Variants in PLXDC1 observed in about 807,000 individuals in gnomAD.
PLXDC1 encodes plexin domain containing 1, also known as plexin domain-containing protein 1.
In PLXDC1, 39 loss-of-function variants were observed where a neutral mutation model predicts 61.3. The ratio of observed to expected loss-of-function variants is 0.64; its 90% confidence interval spans 0.49 to 0.83. The LOEUF (loss-of-function observed/expected upper bound fraction) is 0.83. Ranked by LOEUF, PLXDC1 falls within the 40% of genes least tolerant of loss-of-function variation. The probability of loss-of-function intolerance (pLI) is 0.00; values close to 1 mark genes in which losing one functional copy is unlikely to be tolerated. For missense variants in PLXDC1, 596 were observed against 666.5 expected, an observed-to-expected ratio of 0.89 and a Z score of 1.17; for synonymous variants, 212 against 254.5, an observed-to-expected ratio of 0.83 and a Z score of 1.59.
At chr17:39,104,122 T>C (rs992676104) in intron 7 of PLXDC1, among the ~76,000 whole-genome samples, 2 of 152,062 alleles carry the variant, frequency 1.3e-5, no homozygotes, top group Non-Finnish European at 2.9e-5. Flanking sequence ...TCTACTGTAG[T>C]GAGATATTCT....
At chr17:39,127,100 T>G (rs1159621852) in intron 2 of PLXDC1, 3 of 152,162 alleles carry the variant, frequency 2.0e-5, no homozygotes, top group Admixed American at 6.6e-5. Flanking sequence ...TACTTTCAGG[T>G]AAGATCTGGG....
At chr17:39,122,638 C>G (rs1911202078) in intron 2 of PLXDC1, among the ~76,000 whole-genome samples, 1 of 152,128 alleles carries the variant, frequency 6.6e-6, no homozygotes, top group South Asian at 2.1e-4. Flanking sequence ...TGAACCTTCC[C>G]AAGGAATTCA....
intron 1 of PLXDC1, among the ~76,000 whole-genome samples, chr17:39,141,055 G>A (rs1911920601): frequency 6.6e-6 from 1 of 151,848 alleles, no homozygotes; most frequent in South Asian, 2.1e-4. Context: ...TAAGAGATGG[G>A]GCCTTGCTCT....
upstream of PLXDC1, among the ~76,000 whole-genome samples, chr17:39,151,843 C>T (rs150679076): frequency 6.7e-3 from 1,015 of 152,242 alleles, 14 homozygotes; most frequent in African/African-American, 0.023. This position sits in a 1 kb window ranked among gnomAD's most constrained non-coding sequence, Gnocchi z 5.2. Context: ...GCTGAGAGAA[C>T]CCCTAGAAGC....
At chr17:39,118,827 G>A (rs1420969447) in intron 2 of PLXDC1, among the ~76,000 whole-genome samples, 1 of 152,200 alleles carries the variant, frequency 6.6e-6, no homozygotes, top group South Asian at 2.1e-4. Flanking sequence ...ACCCGGGAGG[G>A]TGAAATTGGG....
chr17:39,147,170 C>T (rs2045347808), intron 1 of PLXDC1, among the ~76,000 whole-genome samples: 1 of 152,104 alleles, frequency 6.6e-6, no homozygotes, highest in African/African-American at 2.4e-5. Flanking sequence ...ATTGGGCAGG[C>T]TGGTCTCGAA....
intron 1 of PLXDC1, among the ~76,000 whole-genome samples, 168 bp from the exon 2 acceptor site, chr17:39,140,000 G>A (rs920094043): frequency 3.3e-5 from 5 of 152,206 alleles, no homozygotes; most frequent in South Asian, 2.1e-4. Context: ...TGAGAGTCAC[G>A]TGCCCAGCTC....
intron 2 of PLXDC1, among the ~76,000 whole-genome samples, chr17:39,114,264 C>G (rs1052572852): frequency 6.6e-6 from 1 of 152,194 alleles, no homozygotes; most frequent in Non-Finnish European, 1.5e-5. Flanking sequence ...CTCAGCACCT[C>G]CTCCTCTCCC....
intron 2 of PLXDC1, among the ~76,000 whole-genome samples, chr17:39,130,953 G>A (rs1911540545): frequency 6.6e-6 from 1 of 152,092 alleles, no homozygotes; most frequent in Non-Finnish European, 1.5e-5. Context: ...CCCTGCCCAA[G>A]GAGAAAGGAA....
At chr17:39,138,326 G>C (rs1911820286) in intron 2 of PLXDC1, among the ~76,000 whole-genome samples, 1 of 152,136 alleles carries the variant, frequency 6.6e-6, no homozygotes, top group African/African-American at 2.4e-5. Flanking sequence ...GCAGGAGAGG[G>C]GGCCAGGATC....
At chr17:39,088,349 A>C (rs963394714) in intron 7 of PLXDC1, among the ~76,000 whole-genome samples, 3 of 152,140 alleles carry the variant, frequency 2.0e-5, no homozygotes, top group Non-Finnish European at 2.9e-5. Flanking sequence ...CTCGAGTCCT[A>C]CTTTGGTCCC....
chr17:39,097,451 TC>T (rs1241874063), intron 7 of PLXDC1, among the ~76,000 whole-genome samples: 1 of 151,956 alleles, frequency 6.6e-6, no homozygotes, highest in Non-Finnish European at 1.5e-5. Context: ...AGACCCAAAG[TC>T]ATCTGACCCC....
rs549491840 is a variant in PLXDC1, at chr17:39,064,085, A to G, written c.*3755T>C. 2 of 154,962 alleles carry G rather than the reference A, an allele frequency of 1.3e-5. No individual in the cohort carries two copies. Among genetic ancestry groups the G allele is most frequent in the African/African-American group, 4.8e-5 (2 of 41,586 alleles). The allele number at this position is 154,962 out of a possible 1,614,324, so 9.6% of individuals were successfully genotyped here. On this transcript the variant is annotated 3_prime_UTR_variant, in exon 14 of 14. Coordinates refer to ENST00000315392, the MANE Select transcript of PLXDC1 (RefSeq NM_020405.5). Reference sequence around the variant, plus strand: ...TTAGCAACAAAATACCTGTGTGTGCATATCTTATTGCTCAAAACATTAAAC... The same window carrying G: ...TTAGCAACAAAATACCTGTGTGTGCGTATCTTATTGCTCAAAACATTAAAC...
chr17:39,147,021 T>C (rs1429917914), intron 1 of PLXDC1, among the ~76,000 whole-genome samples: 1 of 141,744 alleles, frequency 7.1e-6, no homozygotes, highest in Non-Finnish European at 1.5e-5. Context: ...AGTGGCACGA[T>C]CTCGGCTCAC....
chr17:39,088,943 GAAAAAAA>G lies in PLXDC1; in HGVS notation c.812-1248_812-1242del, dbSNP rs56714275. On this transcript the variant is annotated intron_variant, in intron 7 of 13. Transcript: ENST00000315392. ...CAGCCTGGGTGACAAGAGCAAGACT[GAAAAAAA>G]AAAAAAAAAAAAAAGAGAGAGAGAG... Among the ~76,000 whole-genome samples the G allele has an allele frequency of 3.4e-4, 22 of 63,916 alleles. No homozygotes were observed. In the South Asian group the frequency reaches 0.011, roughly 33 times the overall value. The allele number at this position is 63,916 out of a possible 152,430, so 41.9% of individuals were successfully genotyped here. A position where few individuals can be genotyped will look rare whatever the true frequency, so the allele number is the denominator to read the frequency against.
intron 2 of PLXDC1, among the ~76,000 whole-genome samples, chr17:39,136,331 GATAGAGAATA>G (rs1911751903): frequency 6.6e-6 from 1 of 152,194 alleles, no homozygotes; most frequent in Non-Finnish European, 1.5e-5. Context: ...CAGGAATCAA[GATAGAGAATA>G]CTTCAATGCA....
In PLXDC1 at chr17:39,064,656, G is replaced by A. The variant is rs530175056; in HGVS notation, c.*3184C>T. ...CGAACGCTTGGCTGATGGTTTTCCA[G>A]TTGCTCCGTGGTTTATCCTTTGTGA... On this transcript the variant is annotated 3_prime_UTR_variant, in exon 14 of 14. Transcript: ENST00000315392. 6.6e-6 allele frequency: 1 copy of A among 152,288 alleles called. No homozygotes were observed. Among genetic ancestry groups the A allele is most frequent in the South Asian group, 2.1e-4 (1 of 4,820 alleles). 9.4% of individuals were successfully genotyped at this position (152,288 alleles called of 1,614,324 possible).
intron 8 of PLXDC1, among the ~76,000 whole-genome samples, chr17:39,084,950 G>C (rs1909689378): frequency 6.6e-6 from 1 of 152,194 alleles, no homozygotes; most frequent in Non-Finnish European, 1.5e-5. Flanking sequence ...ATATTTGATT[G>C]CAAAGAGAGA....
At chr17:39,090,901 A>C (rs540860859) in intron 7 of PLXDC1, among the ~76,000 whole-genome samples, 2 of 145,442 alleles carry the variant, frequency 1.4e-5, no homozygotes, top group East Asian at 4.0e-4. Flanking sequence ...CTCTCTCTCT[A>C]GGACGGCATA....
Sources: allele counts gnomAD v4.1 joint callset (sites outside exome capture counted in the v4.1 genomes callset), GRCh38; gene constraint gnomAD v4.1.1; non-coding constraint Gnocchi (gnomAD v3.1); transcripts MANE v1.5; gene names NCBI Gene and HGNC (gene_info 2026-07-23, HGNC 2026-07-21).